TCOF1: variants seen among roughly 807,000 people sequenced by gnomAD.
The protein encoded by TCOF1 is treacle ribosome biogenesis factor 1, also known as treacle protein.
In TCOF1, 33 loss-of-function variants were observed where a neutral mutation model predicts 149.0. That is an observed-to-expected ratio of 0.22 (90% CI 0.17 to 0.30). The LOEUF is 0.30. Ranked by LOEUF, TCOF1 falls within the 10% of genes least tolerant of loss-of-function variation. The pLI is 1.00. For missense variants in TCOF1, 1,728 were observed against 1,840.7 expected, an observed-to-expected ratio of 0.94 and a Z score of 1.12; for synonymous variants, 789 against 738.8, an observed-to-expected ratio of 1.07 and a Z score of -1.10.
At chr5:150,362,192 T>TA (rs1239099270) in intron 2 of TCOF1, among the ~76,000 whole-genome samples, 1 of 152,158 alleles carries the variant, frequency 6.6e-6, no homozygotes, top group Non-Finnish European at 1.5e-5. Flanking sequence ...AGGGGAAAGA[T>TA]TTCAATGACA....
At chr5:150,398,258 G>A in intron 24 of TCOF1, 96 bp from the exon 25 acceptor site, 2 of 1,589,286 alleles carry the variant, frequency 1.3e-6, no homozygotes, top group Non-Finnish European at 1.7e-6. Context: ...GTGGTGTGGG[G>A]AAAGCTGGGA....
At chr5:150,360,172 C>G (rs1457791024) in intron 1 of TCOF1, among the ~76,000 whole-genome samples, 1 of 152,210 alleles carries the variant, frequency 6.6e-6, no homozygotes, top group Non-Finnish European at 1.5e-5. Flanking sequence ...AGGTAGGTAT[C>G]GCTGTTGTCC....
chr5:150,366,997 C>T (rs1442250389), intron 3 of TCOF1, among the ~76,000 whole-genome samples: 1 of 151,634 alleles, frequency 6.6e-6, no homozygotes, highest in Non-Finnish European at 1.5e-5. Context: ...TTTAAGGAGA[C>T]AATACCCTGG....
chr5:150,374,124 CA>C, intron 7 of TCOF1, 49 bp from the exon 8 acceptor site: 1 of 1,572,512 alleles, frequency 6.4e-7, no homozygotes, highest in South Asian at 1.1e-5. Context: ...AAGGCATCAC[CA>C]GAGAGTTTTC....
At chr5:150,389,806 C>T (rs1188681985) in intron 18 of TCOF1, 81 bp from the exon 19 acceptor site, 23 of 1,608,970 alleles carry the variant, frequency 1.4e-5, no homozygotes, top group Admixed American at 3.3e-5. Context: ...CAGCACAGGC[C>T]GGTAAATTGG....
intron 5 of TCOF1, 74 bp from the exon 6 acceptor site, chr5:150,369,455 G>C (rs905272716): frequency 1.3e-6 from 2 of 1,565,344 alleles, no homozygotes; most frequent in African/African-American, 2.7e-5. Context: ...CAGCTGGTTT[G>C]TGGGGAGGTG....
At chr5:150,371,974 A>T (rs1291068845) in intron 6 of TCOF1, 32 bp from the exon 7 acceptor site, 2 of 1,580,134 alleles carry the variant, frequency 1.3e-6, no homozygotes, top group Middle Eastern at 1.7e-4. Flanking sequence ...AGTAATTATT[A>T]TTCATTTTCT....
intron 24 of TCOF1, among the ~76,000 whole-genome samples, 167 bp downstream of exon 24, chr5:150,397,009 A>C (rs932320934): frequency 6.6e-6 from 1 of 152,054 alleles, no homozygotes; most frequent in Non-Finnish European, 1.5e-5. Flanking sequence ...AATACAAAAA[A>C]TTAGCTGGAT....
chr5:150,374,937 C>G lies in TCOF1; in HGVS notation c.1279-17C>G. 1 of 1,613,338 alleles carries G rather than the reference C, an allele frequency of 6.2e-7. No individual in the cohort carries two copies. The highest frequency in any genetic ancestry group is 8.5e-7 in the Non-Finnish European group (1 of 1,179,866). ...TCCACCCTCTGGGCTCTCCCCTCATCCTGTTTCTCACTCCAGGCGAAGCCT... is the reference window on the plus strand; with the variant it reads ...TCCACCCTCTGGGCTCTCCCCTCATGCTGTTTCTCACTCCAGGCGAAGCCT... On this transcript the variant is annotated splice_polypyrimidine_tract_variant and intron_variant, in intron 9 of 26. Transcript: ENST00000643257.
chr5:150,368,025 G>A, intron 4 of TCOF1, 108 bp downstream of exon 4: 1 of 1,230,324 alleles, frequency 8.1e-7, no homozygotes, highest in Non-Finnish European at 1.2e-6. Flanking sequence ...TGCCCCACCT[G>A]GATTCAGAGC....
In TCOF1 at chr5:150,392,097, T is replaced by G. The variant is rs200424706; in HGVS notation, c.3438T>G (p.Ser1146Arg). 1,767 of 1,614,070 alleles carry G rather than the reference T, an allele frequency of 1.1e-3. 8 individuals are homozygous for G. The highest frequency in any genetic ancestry group is 3.8e-4 in the Non-Finnish European group (452 of 1,180,010). The change falls in exon 21 of 27, where the codon AGT becomes AGG. Residue 1146 changes from serine to arginine, a missense_variant. Physicochemically the swap from Ser to Arg is moderately radical, Grantham distance 110 (BLOSUM62 -1). Transcript: ENST00000643257. ...AAGCCCCTGAGAGCTCAGATGACAG[T>G]GAGGACAGCAGCGACAGTTCTTCAG... is the stretch of plus-strand genomic sequence containing the variant. ...ATKAPESSDD[S>R]EDSSDSSSGS...
chr5:150,369,754 A>T, intron 6 of TCOF1, 152 bp downstream of exon 6: 1 of 868,998 alleles, frequency 1.2e-6, no homozygotes, highest in Non-Finnish European at 1.9e-6. Context: ...GGAGAGGGGC[A>T]GGGAGAGGAG....
intron 1 of TCOF1, among the ~76,000 whole-genome samples, chr5:150,360,514 A>G (rs1051713975): frequency 6.6e-6 from 1 of 152,152 alleles, no homozygotes; most frequent in Admixed American, 6.6e-5. Context: ...TTAAAGGTCA[A>G]AGGTGGGGAA....
intron 14 of TCOF1, among the ~76,000 whole-genome samples, chr5:150,378,054 T>TA (rs1764218073): frequency 6.6e-6 from 1 of 152,262 alleles, no homozygotes; most frequent in African/African-American, 2.4e-5. Context: ...TTACGTGCTC[T>TA]ACTGATGAGC....
intron 1 of TCOF1, 40 bp from the exon 2 acceptor site, chr5:150,361,116 G>A (rs779932931): frequency 1.2e-6 from 2 of 1,613,578 alleles, no homozygotes; most frequent in South Asian, 2.2e-5. Context: ...TCCTTACTGT[G>A]CTGGGGATTA....
intron 1 of TCOF1, 49 bp downstream of exon 1, chr5:150,357,903 T>A: frequency 6.5e-7 from 1 of 1,530,328 alleles, no homozygotes; most frequent in Non-Finnish European, 8.8e-7. Context: ...GATGTGGAGA[T>A]CAGCGGCCCG....
At chr5:150,375,974 G>C in intron 12 of TCOF1, 65 bp downstream of exon 12, 12 of 1,613,902 alleles carry the variant, frequency 7.4e-6, no homozygotes, top group Non-Finnish European at 1.0e-5. Flanking sequence ...GCACCCCCGG[G>C]GAGCTGTGCT....
At chr5:150,361,607 C>G (rs767790498) in intron 2 of TCOF1, among the ~76,000 whole-genome samples, 1 of 152,274 alleles carries the variant, frequency 6.6e-6, no homozygotes, top group Admixed American at 6.5e-5. Flanking sequence ...AAGAATGAAA[C>G]AAATGAATGT....
At chr5:150,378,216 G>T (rs909679192) in intron 14 of TCOF1, among the ~76,000 whole-genome samples, 1 of 152,220 alleles carries the variant, frequency 6.6e-6, no homozygotes, top group Non-Finnish European at 1.5e-5. Flanking sequence ...TGAGGCAGGG[G>T]CCTTGAGATG....
Sources: allele counts gnomAD v4.1 joint callset (sites outside exome capture counted in the v4.1 genomes callset), GRCh38; gene constraint gnomAD v4.1.1; transcripts MANE v1.5; gene names NCBI Gene and HGNC (gene_info 2026-07-23, HGNC 2026-07-21).